The following RPS6KC1 variants were observed in gnomAD, a reference collection of about 807,000 sequenced individuals.
The protein encoded by RPS6KC1 is ribosomal protein S6 kinase C1, also known as inactive ribosomal protein S6 kinase delta-1.
In RPS6KC1, 54 loss-of-function variants were observed where a neutral mutation model predicts 103.8. That is an observed-to-expected ratio of 0.52 (90% CI 0.42 to 0.65). RPS6KC1 has a LOEUF of 0.65. Ranked by LOEUF, RPS6KC1 falls within the 30% of genes least tolerant of loss-of-function variation. The pLI is 0.00. For missense variants in RPS6KC1, 1,151 were observed against 1,253.8 expected, an observed-to-expected ratio of 0.92 and a Z score of 1.24; for synonymous variants, 439 against 438.7, an observed-to-expected ratio of 1.00 and a Z score of -0.01.
At chr1:213,789,073 T>C in the RPS6KC1 span, among the ~76,000 whole-genome samples, 3 of 152,190 alleles carry the variant, frequency 2.0e-5, no homozygotes, top group Admixed American at 1.3e-4. Context: ...CTAGACCCAG[T>C]GAGAAGGAGC....
the RPS6KC1 span, among the ~76,000 whole-genome samples, chr1:213,602,111 T>TCTTC: frequency 2.5e-5 from 1 of 40,126 alleles, no homozygotes; most frequent in Non-Finnish European, 4.6e-5. Context: ...TTTCTTTCTT[T>TCTTC]CTTTCTTTCT....
At chr1:213,371,728 C>T in the RPS6KC1 span, among the ~76,000 whole-genome samples, 1 of 152,168 alleles carries the variant, frequency 6.6e-6, no homozygotes, top group Non-Finnish European at 1.5e-5. Context: ...AAATAAGAAA[C>T]CCTGCCACTT....
downstream of RPS6KC1, among the ~76,000 whole-genome samples, chr1:213,275,426 C>T (rs887733658): frequency 3.9e-5 from 6 of 152,114 alleles, no homozygotes; most frequent in Non-Finnish European, 1.5e-5. Flanking sequence ...GCCACTCATC[C>T]TAAGATATAA....
At chr1:213,502,383 AAAAC>A in the RPS6KC1 span, among the ~76,000 whole-genome samples, 1 of 152,342 alleles carries the variant, frequency 6.6e-6, no homozygotes, top group African/African-American at 2.4e-5. Flanking sequence ...CTAGAAATTG[AAAAC>A]AAACCCAGTA....
chr1:213,714,562 C>T, the RPS6KC1 span, among the ~76,000 whole-genome samples: 5 of 152,216 alleles, frequency 3.3e-5, no homozygotes, highest in Non-Finnish European at 5.9e-5. Context: ...TCTGGGCTGG[C>T]GTGCAGGGCA....
chr1:213,722,931 C>A, the RPS6KC1 span, among the ~76,000 whole-genome samples: 1 of 152,200 alleles, frequency 6.6e-6, no homozygotes, highest in Non-Finnish European at 1.5e-5. Context: ...GTAATCCCAG[C>A]ACTTTGGGAG....
At chr1:213,517,339 A>C in the RPS6KC1 span, among the ~76,000 whole-genome samples, 107 of 151,880 alleles carry the variant, frequency 7.0e-4, no homozygotes, top group Non-Finnish European at 1.2e-3. Context: ...AATTTTAGAT[A>C]TTTCCTGCTT....
chr1:213,465,283 A>C, the RPS6KC1 span, among the ~76,000 whole-genome samples: 1 of 152,144 alleles, frequency 6.6e-6, no homozygotes, highest in African/African-American at 2.4e-5. Context: ...TTCCTGGGGA[A>C]CCTGAACTTT....
At chr1:213,506,472 T>A in the RPS6KC1 span, among the ~76,000 whole-genome samples, 1 of 152,206 alleles carries the variant, frequency 6.6e-6, no homozygotes, top group South Asian at 2.1e-4. Context: ...TGACATTAAA[T>A]AACAATCATT....
the RPS6KC1 span, among the ~76,000 whole-genome samples, chr1:213,677,600 A>G: frequency 6.6e-6 from 1 of 152,178 alleles, no homozygotes; most frequent in South Asian, 2.1e-4. Context: ...AATGCACCCA[A>G]TTTCTTTCCA....
the RPS6KC1 span, among the ~76,000 whole-genome samples, chr1:213,328,533 T>TATAC: frequency 1.9e-5 from 2 of 103,662 alleles, no homozygotes; most frequent in Non-Finnish European, 4.1e-5. Flanking sequence ...TATATATATA[T>TATAC]ATATATATCA....
the RPS6KC1 span, among the ~76,000 whole-genome samples, chr1:213,366,848 G>A: frequency 1.1e-4 from 17 of 152,164 alleles, no homozygotes; most frequent in Non-Finnish European, 2.1e-4. Flanking sequence ...ATTTCTTGCT[G>A]TTTCTCAGCC....
chr1:213,310,614 C>T, the RPS6KC1 span, among the ~76,000 whole-genome samples: 1 of 152,144 alleles, frequency 6.6e-6, no homozygotes, highest in Admixed American at 6.5e-5. Flanking sequence ...TGTTTATTAC[C>T]TGGCTTCCCC....
chr1:213,490,373 C>G, the RPS6KC1 span, among the ~76,000 whole-genome samples: 3 of 152,172 alleles, frequency 2.0e-5, no homozygotes, highest in Non-Finnish European at 2.9e-5. Flanking sequence ...GAGGTGCCGG[C>G]TGAAGAGTCC....
the RPS6KC1 span, among the ~76,000 whole-genome samples, chr1:213,288,781 G>A: frequency 6.6e-6 from 1 of 152,136 alleles, no homozygotes; most frequent in Non-Finnish European, 1.5e-5. Context: ...GGATCCTGCT[G>A]GATGTAGCCT....
chr1:213,711,649 T>G, the RPS6KC1 span, among the ~76,000 whole-genome samples: 1 of 152,344 alleles, frequency 6.6e-6, no homozygotes, highest in East Asian at 1.9e-4. Flanking sequence ...TTCATGGATT[T>G]ATCTACCTTT....
rs2078269454 is a variant in RPS6KC1, at chr1:213,065,682, A to T, written c.106-5324A>T. ...AAGTTGGTAATGTATTTGGGAAGTG[A>T]TTGTATTTTTATAATGCAGTTGCGT... On this transcript the variant is annotated intron_variant, in intron 1 of 14. Coordinates refer to ENST00000366960, the MANE Select transcript of RPS6KC1 (RefSeq NM_012424.6). 3.3e-5 allele frequency among the ~76,000 whole-genome samples: 5 copies of T among 152,178 alleles called. No individual in the cohort carries two copies. In the South Asian group the frequency reaches 1.0e-3, roughly 31 times the overall value.
the RPS6KC1 span, among the ~76,000 whole-genome samples, chr1:213,364,535 G>C: frequency 6.6e-6 from 1 of 152,138 alleles, no homozygotes; most frequent in South Asian, 2.1e-4. Flanking sequence ...CTGACAGCCT[G>C]GTAGAGAGGA....
At chr1:213,507,644 C>A in the RPS6KC1 span, among the ~76,000 whole-genome samples, 1 of 151,296 alleles carries the variant, frequency 6.6e-6, no homozygotes, top group Non-Finnish European at 1.5e-5. Context: ...CACTGCATTG[C>A]GGGCCTCCGG....
Sources: allele counts gnomAD v4.1 joint callset (sites outside exome capture counted in the v4.1 genomes callset), GRCh38; gene constraint gnomAD v4.1.1; transcripts MANE v1.5; gene names NCBI Gene and HGNC (gene_info 2026-07-23, HGNC 2026-07-21).